TET3: variants seen among roughly 807,000 people sequenced by gnomAD.
The protein encoded by TET3 is methylcytosine dioxygenase TET3.
Under a neutral mutation model 141.4 loss-of-function variants are expected in TET3, and 19 were observed. That is an observed-to-expected ratio of 0.13 (90% CI 0.09 to 0.20). TET3 has a LOEUF of 0.20. Among genes scored for constraint, TET3 ranks in the 10% least tolerant of loss-of-function variants. TET3 has a pLI of 1.00. For missense variants in TET3, 1,874 were observed against 2,356.9 expected (o/e 0.80, Z 4.24); for synonymous variants, 1,043 against 980.9 (o/e 1.06, Z -1.18).
At chr2:74,114,000 A>G in the TET3 span, among the ~76,000 whole-genome samples, 1 of 152,236 alleles carries the variant, frequency 6.6e-6, no homozygotes, top group East Asian at 1.9e-4. Context: ...AGCCAAAGCA[A>G]TCCTGAGCAA....
At chr2:73,989,867 C>T (rs990587226) in intron 2 of TET3, among the ~76,000 whole-genome samples, 4 of 151,992 alleles carry the variant, frequency 2.6e-5, no homozygotes, top group East Asian at 3.9e-4. Flanking sequence ...AGTGCTGTGC[C>T]CTTACTCTCT....
At chr2:74,042,459 A>G (rs1480570015) in intron 3 of TET3, among the ~76,000 whole-genome samples, 1 of 151,934 alleles carries the variant, frequency 6.6e-6, no homozygotes, top group Non-Finnish European at 1.5e-5. Flanking sequence ...ATCTTCAAGA[A>G]AATCCAGGTT....
chr2:74,099,810 C>T (rs1001718873), intron 11 of TET3, among the ~76,000 whole-genome samples, 198 bp downstream of exon 11: 9 of 152,242 alleles, frequency 5.9e-5, no homozygotes, highest in East Asian at 1.9e-4. Context: ...TTGTTATCTG[C>T]GTGGAAGTGA....
intron 3 of TET3, among the ~76,000 whole-genome samples, chr2:74,018,802 GT>G (rs1685874305): frequency 7.0e-6 from 1 of 142,250 alleles, no homozygotes; most frequent in East Asian, 2.0e-4. Context: ...AACTTACCAT[GT>G]TCTGCGAAAA....
intron 4 of TET3, among the ~76,000 whole-genome samples, chr2:74,061,174 GCGGC>G (rs1219496014): frequency 1.4e-5 from 2 of 147,174 alleles, no homozygotes; most frequent in Admixed American, 6.7e-5. Flanking sequence ...CCCGGACGGG[GCGGC>G]CGGCCGGGCG....
chr2:73,988,276 C>G (rs1684146902), intron 2 of TET3, among the ~76,000 whole-genome samples: 1 of 152,108 alleles, frequency 6.6e-6, no homozygotes, highest in Non-Finnish European at 1.5e-5. Flanking sequence ...GCTGCTGAGT[C>G]TACTTTGCAA....
rs948134235 is a variant in TET3 at position 74,093,228 on chromosome 2, C to T, written c.3129+237C>T. Among the ~76,000 whole-genome samples, 1 of 152,218 alleles carries T rather than the reference C, an allele frequency of 6.6e-6. No individual in the cohort carries two copies. The highest frequency in any genetic ancestry group is 2.4e-5 in the African/African-American group (1 of 41,464). On this transcript the variant is annotated intron_variant, in intron 9 of 11. Coordinates refer to ENST00000409262, the MANE Select transcript of TET3 (RefSeq NM_001287491.2). The surrounding 1 kb of genome is among the most constrained non-coding windows in gnomAD (Gnocchi z 4.2). ...TTCTCCCTTCCCCTGGTAACCCATC[C>T]ACCTCCTCTGGTCTGGTATCCACTG...
the TET3 span, among the ~76,000 whole-genome samples, chr2:74,127,634 C>T: frequency 4.0e-5 from 6 of 151,738 alleles, no homozygotes; most frequent in South Asian, 2.1e-4. Flanking sequence ...AAGCCTAAAA[C>T]GGGGCAAGTT....
At position 74,103,410 on chromosome 2, in the gene TET3, A is replaced by G. The variant is rs1239318227; in HGVS notation, c.*1234A>G. On this transcript the variant is annotated 3_prime_UTR_variant, in exon 12 of 12. Transcript: ENST00000409262. ...GAATTTCCACATTGGACAATGGTGC[A>G]TGCCTCACACCTGAGCCTGCTTCCT... 1 of 152,256 alleles carries G rather than the reference A, an allele frequency of 6.6e-6. No homozygotes were observed. Among genetic ancestry groups the G allele is most frequent in the African/African-American group, 2.4e-5 (1 of 41,432 alleles). The allele number at this position is 152,256 out of a possible 1,614,324, so 9.4% of individuals were successfully genotyped here. A position where few individuals can be genotyped will look rare whatever the true frequency, so the allele number is the denominator to read the frequency against.
rs1691345515 is a variant in TET3 at position 74,103,510 on chromosome 2, GCTATAATTTTC to G, written c.*1337_*1347del. 6.6e-6 allele frequency: 1 copy of G among 152,162 alleles called. No individual in the cohort carries two copies. Among genetic ancestry groups the G allele is most frequent in the Admixed American group, 6.5e-5 (1 of 15,278 alleles). 9.4% of individuals were successfully genotyped at this position (152,162 alleles called of 1,614,324 possible). A position where few individuals can be genotyped will look rare whatever the true frequency, so the allele number is the denominator to read the frequency against. On this transcript the variant is annotated 3_prime_UTR_variant, in exon 12 of 12. Transcript: ENST00000409262. The stretch of plus-strand genomic sequence containing the variant: ...AAGAGTCAAACATTTTCAACAGGTT[GCTATAATTTTC>G]CTCCCTAATTGGTGCCATTTCTCCA...
chr2:74,100,312 C>A (rs1303714174), intron 11 of TET3, 81 bp from the exon 12 acceptor site: 30 of 1,389,926 alleles, frequency 2.2e-5, no homozygotes. Context: ...GAGGGAGGGT[C>A]CATCCCCAGT....
Position 74,046,442 on chromosome 2 carries a change from G to T in TET3, c.525G>T (p.Arg175=), listed in dbSNP as rs767517066. Reference sequence around the variant, plus strand: ...TGCTGGGGACTGGGGGTCCTTGGCGGGTAGACCAAAAGCCCGACTGGGAGG... The same window carrying T: ...TGCTGGGGACTGGGGGTCCTTGGCGTGTAGACCAAAAGCCCGACTGGGAGG... ...PSLLGTGGPW[R]VDQKPDWEAA... Residue 175 remains arginine (R), a synonymous_variant, in exon 4 of 12, where the codon CGG becomes CGT. Transcript: ENST00000409262. The surrounding 1 kb of genome is among the most constrained non-coding windows in gnomAD (Gnocchi z 4.3). 1 of 1,603,006 alleles carries T rather than the reference G, an allele frequency of 6.2e-7. No individual in the cohort carries two copies. The highest frequency in any genetic ancestry group is 1.1e-5 in the South Asian group (1 of 89,038).
intron 5 of TET3, among the ~76,000 whole-genome samples, chr2:74,079,078 G>A (rs34136450): frequency 6.6e-6 from 1 of 152,108 alleles, no homozygotes; most frequent in Non-Finnish European, 1.5e-5. Context: ...CCTGGCATGC[G>A]TGGCTCACAC....
rs1691590861 is a variant in TET3 at position 74,107,835 on chromosome 2, A to G, written c.*5659A>G. 5 of 152,344 alleles carry G rather than the reference A, an allele frequency of 3.3e-5. No individual in the cohort carries two copies. The highest frequency in any genetic ancestry group is 2.1e-4 in the South Asian group (1 of 4,828). 9.4% of individuals were successfully genotyped at this position (152,344 alleles called of 1,614,324 possible). ...GATGGATGAATGGTAGATTTTTGCA[A>G]TGTCTCAAGGCAATAGGATGTGTAT... On this transcript the variant is annotated 3_prime_UTR_variant, in exon 12 of 12. Coordinates refer to ENST00000409262, the MANE Select transcript of TET3 (RefSeq NM_001287491.2).
At chr2:73,984,248 A>G (rs1393541859), upstream of TET3, among the ~76,000 whole-genome samples, 1 of 152,204 alleles carries the variant, frequency 6.6e-6, no homozygotes, top group African/African-American at 2.4e-5. This position sits in a 1 kb window ranked among gnomAD's most constrained non-coding sequence, Gnocchi z 5.6. Context: ...GACGCGAAAG[A>G]ATCGAGCGCG....
Position 74,101,502 on chromosome 2 carries a change from G to C in TET3, c.4714G>C (p.Ala1572Pro), listed in dbSNP as rs1467412695. 1 of 1,612,930 alleles carries C rather than the reference G, an allele frequency of 6.2e-7. No homozygotes were observed. Among genetic ancestry groups the C allele is most frequent in the Admixed American group, 1.7e-5 (1 of 59,862 alleles). The change falls in exon 12 of 12, where the codon GCC (alanine) becomes CCC (proline). Residue 1572 changes from alanine to proline, a missense_variant. Coordinates refer to ENST00000409262, the MANE Select transcript of TET3 (RefSeq NM_001287491.2). This position sits in a 1 kb window ranked among gnomAD's most constrained non-coding sequence, Gnocchi z 8.5. ...GEEGRIPAAG[A>P]SQLDRAWQSF... Reference sequence around the variant, plus strand: ...GGAGGGCAGGATTCCAGCCGCAGGGGCCAGCCAGCTGGACAGGGCCTGGCA... The same window carrying C: ...GGAGGGCAGGATTCCAGCCGCAGGGCCCAGCCAGCTGGACAGGGCCTGGCA...
downstream of TET3, among the ~76,000 whole-genome samples, chr2:74,108,839 G>A (rs559254571): frequency 6.6e-6 from 1 of 152,190 alleles, no homozygotes; most frequent in Non-Finnish European, 1.5e-5. Context: ...CTGTTGATAA[G>A]GACTTCAGCA....
At chr2:73,993,467 T>C (rs535003593) in intron 2 of TET3, 1 of 152,356 alleles carries the variant, frequency 6.6e-6, no homozygotes, top group South Asian at 2.1e-4. Context: ...AGGAGCTGTC[T>C]ACAACATCTC....
chr2:74,049,756 C>A (rs990967679), intron 4 of TET3, among the ~76,000 whole-genome samples: 1 of 152,144 alleles, frequency 6.6e-6, no homozygotes, highest in African/African-American at 2.4e-5. Flanking sequence ...CCAGCTACCC[C>A]TCCCCGATCC....
Sources: gnomAD v4.1 joint callset for allele counts (sites outside exome capture counted in the v4.1 genomes callset) on GRCh38, gnomAD v4.1.1 for gene constraint, Gnocchi (gnomAD v3.1) non-coding constraint, MANE v1.5 for transcripts, NCBI Gene and HGNC (gene_info 2026-07-23, HGNC 2026-07-21) for gene names.